Variants in UGT1A4 observed in about 807,000 individuals in gnomAD.
UGT1A4 encodes the protein UDP glucuronosyltransferase family 1 member A4, also known as UDP-glucuronosyltransferase 1A4.
In UGT1A4, 32 loss-of-function variants were observed where a neutral mutation model predicts 41.1. The ratio of observed to expected loss-of-function variants is 0.78; its 90% CI spans 0.59 to 1.05. The LOEUF is 1.05. UGT1A4 is among the 50% of genes least tolerant of loss of function. The pLI is 0.00. For missense variants in UGT1A4, 748 were observed against 677.4 expected (o/e 1.10, Z -1.16); for synonymous variants, 283 against 265.1 (o/e 1.07, Z -0.66).
chr2:233,760,336 C>A (rs1472715638), intron 1 of UGT1A4: 1 of 1,614,048 alleles, frequency 6.2e-7, no homozygotes. Context: ...GGGCCTGCTG[C>A]TGTGTGTGCT....
rs2077098328 is a variant in UGT1A4, at chr2:233,723,542, AT to A, written c.867+3862del. ...TTTTTTTTTTTTTTTTTTTTAATTT[AT>A]TTTTTTATTGATAATTCTTGGGTGT... On this transcript the variant is annotated intron_variant, in intron 1 of 4. Coordinates refer to ENST00000373409, the MANE Select transcript of UGT1A4 (RefSeq NM_007120.3). 4.0e-5 allele frequency among the ~76,000 whole-genome samples: 3 copies of A among 74,540 alleles called. No individual in the cohort carries two copies. The East Asian group carries it at 1.2e-3, about 29-fold the overall frequency. 48.9% of individuals were successfully genotyped at this position (74,540 alleles called of 152,430 possible).
chr2:233,725,264 G>GGCAGAGGCAGAGGCA (rs1216362118), intron 1 of UGT1A4, among the ~76,000 whole-genome samples: 1 of 58,548 alleles, frequency 1.7e-5, no homozygotes, highest in African/African-American at 1.3e-4. Flanking sequence ...CAGAGGCAGA[G>GGCAGAGGCAGAGGCA]GAGGCAGAGG....
At chr2:233,729,254 G>T (rs1181621220) in intron 1 of UGT1A4, 6 of 1,614,100 alleles carry the variant, frequency 3.7e-6, no homozygotes, top group Middle Eastern at 1.6e-4. Context: ...CACTGGCTCA[G>T]CATGCGGGAG....
intron 1 of UGT1A4, among the ~76,000 whole-genome samples, chr2:233,745,365 T>C (rs1693089556): frequency 6.6e-6 from 1 of 151,880 alleles, no homozygotes; most frequent in Admixed American, 6.5e-5. Flanking sequence ...TTTTTTGAGA[T>C]CTGAGTTCTC....
At chr2:233,730,577 T>C (rs1559376049) in intron 1 of UGT1A4, among the ~76,000 whole-genome samples, 1 of 152,254 alleles carries the variant, frequency 6.6e-6, no homozygotes, top group East Asian at 1.9e-4. Context: ...AAGTTCAGTT[T>C]CCAGACAGGG....
At chr2:233,730,985 T>C (rs766907684) in intron 1 of UGT1A4, among the ~76,000 whole-genome samples, 61 of 152,340 alleles carry the variant, frequency 4.0e-4, no homozygotes, top group Admixed American at 5.9e-4. Flanking sequence ...TATTGTTTCT[T>C]ATTCCTTGCT....
At chr2:233,756,622 C>T (rs1385853377) in intron 1 of UGT1A4, among the ~76,000 whole-genome samples, 1 of 152,014 alleles carries the variant, frequency 6.6e-6, no homozygotes, top group African/African-American at 2.4e-5. Flanking sequence ...ACTTGCAGGC[C>T]GTGTGTATAG....
At chr2:233,728,731 TG>T (rs1354171084) in intron 1 of UGT1A4, among the ~76,000 whole-genome samples, 1 of 152,164 alleles carries the variant, frequency 6.6e-6, no homozygotes, top group Non-Finnish European at 1.5e-5. Flanking sequence ...AGCATATGAC[TG>T]GGGGCTAGGG....
chr2:233,771,260 CT>C (rs891018282), intron 4 of UGT1A4: 2 of 151,568 alleles, frequency 1.3e-5, no homozygotes, highest in Non-Finnish European at 1.5e-5. Context: ...ATAGGAGTGC[CT>C]TTTTTTTTCT....
rs149856651 is a variant in UGT1A4 at position 233,729,965 on chromosome 2, A to G, written c.867+10278A>G. 8 of 1,613,950 alleles carry G rather than the reference A, an allele frequency of 5.0e-6. No individual in the cohort carries two copies. In the African/African-American group the frequency reaches 9.3e-5, roughly 19 times the overall value. Reference sequence around the variant, plus strand: ...AACATGGTCTTCATTGGGGGCATCAACTGTGCCAACAGGAAGCCACTATCT... The same window carrying G: ...AACATGGTCTTCATTGGGGGCATCAGCTGTGCCAACAGGAAGCCACTATCT... On this transcript the variant is annotated intron_variant, in intron 1 of 4. Coordinates refer to ENST00000373409, the MANE Select transcript of UGT1A4 (RefSeq NM_007120.3).
intron 1 of UGT1A4, among the ~76,000 whole-genome samples, chr2:233,728,866 T>C (rs1366541445): frequency 6.6e-6 from 1 of 152,200 alleles, no homozygotes; most frequent in African/African-American, 2.4e-5. Context: ...AACAAGAGCT[T>C]GAACTTGGAT....
In UGT1A4 at chr2:233,719,298, G is replaced by T; in HGVS notation, c.478G>T (p.Val160Leu). ...LTDPVNLCGA[V>L]LAKYLSIPAV... is the part of the protein sequence containing the mutation. ...AGACCCCGTTAACCTCTGTGGGGCG[G>T]TGCTGGCTAAGTACCTGTCGATTCC... The change falls in exon 1 of 5, where the codon GTG becomes TTG. Residue 160 changes from valine (V) to leucine (L), a missense_variant. Physicochemically the swap from Val to Leu is conservative, Grantham distance 32 (BLOSUM62 1). Transcript: ENST00000373409. The T allele has an allele frequency of 6.2e-7, 1 of 1,613,992 alleles. No homozygotes were observed. The highest frequency in any genetic ancestry group is 1.7e-5 in the Admixed American group (1 of 60,018).
chr2:233,747,765 A>T, intron 1 of UGT1A4: 1 of 1,613,500 alleles, frequency 6.2e-7, no homozygotes, highest in Non-Finnish European at 8.5e-7. Context: ...CTTTAAGGGC[A>T]CACAGTGTCC....
In UGT1A4 at chr2:233,729,271, C is replaced by T. The variant is rs45595237; in HGVS notation, c.867+9584C>T. ...CTGGCTCAGCATGCGGGAGGTCTTGCGGGAGCTCCATGCCAGAGGCCACCA... is the reference window on the plus strand; with the variant it reads ...CTGGCTCAGCATGCGGGAGGTCTTGTGGGAGCTCCATGCCAGAGGCCACCA... On this transcript the variant is annotated intron_variant, in intron 1 of 4. Transcript: ENST00000373409. The T allele has an allele frequency of 1.2e-3, 1,887 of 1,614,166 alleles. 14 individuals are homozygous for T. The African/African-American group carries it at 0.018, about 15-fold the overall frequency.
intron 1 of UGT1A4, among the ~76,000 whole-genome samples, chr2:233,762,453 A>T (rs1302924421): frequency 6.6e-6 from 1 of 152,204 alleles, no homozygotes; most frequent in Non-Finnish European, 1.5e-5. Flanking sequence ...CTGCCCACTT[A>T]CCGATAATGT....
At chr2:233,737,905 A>C (rs1690628626) in intron 1 of UGT1A4, among the ~76,000 whole-genome samples, 1 of 152,094 alleles carries the variant, frequency 6.6e-6, no homozygotes. Flanking sequence ...AGTGTGGTAA[A>C]GAACAGGCTA....
intron 1 of UGT1A4, chr2:233,748,023 C>T: frequency 6.2e-7 from 1 of 1,613,520 alleles, no homozygotes; most frequent in Non-Finnish European, 8.5e-7. Context: ...GCCGATCATG[C>T]CCAACATGGT....
At chr2:233,743,378 C>G (rs1480279341) in intron 1 of UGT1A4, 1 of 1,169,844 alleles carries the variant, frequency 8.5e-7, no homozygotes, top group Non-Finnish European at 1.2e-6. Flanking sequence ...CCATCACTAC[C>G]GTAGGACATG....
intron 1 of UGT1A4, among the ~76,000 whole-genome samples, chr2:233,737,472 C>A (rs1374146427): frequency 6.6e-6 from 1 of 152,196 alleles, no homozygotes; most frequent in Non-Finnish European, 1.5e-5. Flanking sequence ...CATGGCTCCC[C>A]TTGTCTAGGA....
Sources: allele counts gnomAD v4.1 joint callset (sites outside exome capture counted in the v4.1 genomes callset), GRCh38; gene constraint gnomAD v4.1.1; transcripts MANE v1.5; gene names NCBI Gene and HGNC (gene_info 2026-07-23, HGNC 2026-07-21).